PPP2R2C: variants seen among roughly 807,000 people sequenced by gnomAD.
PPP2R2C encodes protein phosphatase 2, regulatory subunit B, gamma.
In PPP2R2C, 10 loss-of-function variants were observed where a neutral mutation model predicts 45.3. That is an observed-to-expected ratio of 0.22 (90% CI 0.14 to 0.37). The LOEUF is 0.37. Ranked by LOEUF, PPP2R2C falls within the 10% of genes least tolerant of loss-of-function variation. PPP2R2C has a pLI of 1.00. For synonymous variants in PPP2R2C, 257 were observed against 245.4 expected (o/e 1.05, Z -0.44); for missense variants, 308 against 619.7 (o/e 0.50, Z 5.34).
chr4:6,485,887 C>G (rs1722512932), intron 2 of PPP2R2C, among the ~76,000 whole-genome samples: 1 of 151,710 alleles, frequency 6.6e-6, no homozygotes, highest in Non-Finnish European at 1.5e-5. Flanking sequence ...TATATTTAGC[C>G]AATTTCTCTT....
intron 2 of PPP2R2C, among the ~76,000 whole-genome samples, chr4:6,511,480 G>GA (rs1723476223): frequency 2.1e-5 from 2 of 96,658 alleles, no homozygotes; most frequent in African/African-American, 8.5e-5. Flanking sequence ...GGTGGTGATG[G>GA]CGGTGTTGGT....
chr4:6,507,156 T>C (rs1177937221), intron 2 of PPP2R2C, among the ~76,000 whole-genome samples: 2 of 152,186 alleles, frequency 1.3e-5, no homozygotes, highest in East Asian at 1.9e-4. Flanking sequence ...ATCTCAGTCA[T>C]GTTAAGTTTG....
chr4:6,499,308 C>T (rs887485150), intron 2 of PPP2R2C, among the ~76,000 whole-genome samples: 2 of 152,184 alleles, frequency 1.3e-5, no homozygotes, highest in Non-Finnish European at 2.9e-5. Flanking sequence ...ATCAGATAGG[C>T]ATGAAGTACA....
chr4:6,517,344 G>A (rs754341927), intron 2 of PPP2R2C, among the ~76,000 whole-genome samples: 1 of 152,162 alleles, frequency 6.6e-6, no homozygotes, highest in African/African-American at 2.4e-5. Context: ...CCAAAACCTG[G>A]CTGGACAACT....
chr4:6,383,837 G>T (rs1716035900), intron 1 of PPP2R2C: 1 of 992,504 alleles, frequency 1.0e-6, no homozygotes, highest in Non-Finnish European at 1.2e-6. Context: ...ATCTATCCAA[G>T]AAATGCCTTT....
At chr4:6,325,948 G>A (rs1028076563) in intron 8 of PPP2R2C, among the ~76,000 whole-genome samples, 2 of 152,344 alleles carry the variant, frequency 1.3e-5, no homozygotes, top group Non-Finnish European at 2.9e-5. Flanking sequence ...GCTGCGGCAG[G>A]AGAAGTGTTT....
chr4:6,417,763 G>A (rs988962217), intron 1 of PPP2R2C, among the ~76,000 whole-genome samples: 1 of 152,222 alleles, frequency 6.6e-6, no homozygotes, highest in Non-Finnish European at 1.5e-5. Context: ...GGGGAACCTC[G>A]GCTGCGTGGG....
chr4:6,458,245 G>C (rs1162728119), intron 1 of PPP2R2C, among the ~76,000 whole-genome samples: 1 of 152,186 alleles, frequency 6.6e-6, no homozygotes, highest in Non-Finnish European at 1.5e-5. Flanking sequence ...ATCACTGGGA[G>C]TGGCTTAGTC....
intron 6 of PPP2R2C, among the ~76,000 whole-genome samples, chr4:6,334,347 T>A (rs1307070654): frequency 6.6e-6 from 1 of 152,168 alleles, no homozygotes; most frequent in Non-Finnish European, 1.5e-5. Flanking sequence ...TCTCCTTTTT[T>A]CTTGGAGCAC....
intron 1 of PPP2R2C, among the ~76,000 whole-genome samples, chr4:6,389,602 T>C (rs1435732407): frequency 6.6e-6 from 1 of 152,140 alleles, no homozygotes; most frequent in East Asian, 1.9e-4. Context: ...GACACTGGGA[T>C]AAGGAGATGG....
chr4:6,402,444 G>T (rs1338557035), intron 1 of PPP2R2C, among the ~76,000 whole-genome samples: 1 of 152,222 alleles, frequency 6.6e-6, no homozygotes, highest in African/African-American at 2.4e-5. Flanking sequence ...AATGGGCATG[G>T]TGCTACCTGC....
Position 6,382,972 on chromosome 4 carries a change from G to C in PPP2R2C, c.71-1878C>G, listed in dbSNP as rs945822109. On this transcript the variant is annotated intron_variant, in intron 1 of 8. Transcript: ENST00000382599. ...GGCAGCCCCCACCTGCCGAGGCCCA[G>C]GTGGGCCGCATCTGGAGCCAAACCT... The C allele has an allele frequency of 7.5e-6, 8 of 1,072,492 alleles. No individual in the cohort carries two copies. The Admixed American group carries it at 1.5e-4, about 20-fold the overall frequency. 66.4% of individuals were successfully genotyped at this position (1,072,492 alleles called of 1,614,324 possible).
chr4:6,359,117 T>C (rs1417140034), intron 5 of PPP2R2C, among the ~76,000 whole-genome samples: 1 of 152,224 alleles, frequency 6.6e-6, no homozygotes, highest in African/African-American at 2.4e-5. Context: ...AATGATAGAC[T>C]GGATTAAGAA....
chr4:6,345,313 G>C lies in PPP2R2C; in HGVS notation c.790+2533C>G, dbSNP rs74529806. Among the ~76,000 whole-genome samples, 6 of 152,138 alleles carry C rather than the reference G, an allele frequency of 3.9e-5. No individual in the cohort carries two copies. The highest frequency in any genetic ancestry group is 1.2e-4 in the African/African-American group (5 of 41,416). On this transcript the variant is annotated intron_variant, in intron 6 of 8. Coordinates refer to ENST00000382599, the MANE Select transcript of PPP2R2C (RefSeq NM_020416.4). This position sits in a 1 kb window ranked among gnomAD's most constrained non-coding sequence, Gnocchi z 5.3. Reference sequence around the variant, plus strand: ...GAGTGAATGGGCGGGAGGCGTAGGTGGGGGGGCAGTGTCCTGTAGTAGGCG... The same window carrying C: ...GAGTGAATGGGCGGGAGGCGTAGGTCGGGGGGCAGTGTCCTGTAGTAGGCG...
At chr4:6,507,205 C>A (rs918723015) in intron 2 of PPP2R2C, among the ~76,000 whole-genome samples, 1 of 152,180 alleles carries the variant, frequency 6.6e-6, no homozygotes, top group Admixed American at 6.5e-5. Context: ...TGTCAAGCTG[C>A]AGCTGGGAAC....
chr4:6,455,133 TC>T (rs1390468861), intron 1 of PPP2R2C, among the ~76,000 whole-genome samples: 1 of 152,176 alleles, frequency 6.6e-6, no homozygotes, highest in African/African-American at 2.4e-5. Flanking sequence ...TACAGATGAC[TC>T]CAGAGCTGCG....
chr4:6,511,178 C>T (rs1460904099), intron 2 of PPP2R2C, among the ~76,000 whole-genome samples: 7 of 152,208 alleles, frequency 4.6e-5, no homozygotes, highest in South Asian at 4.1e-4. Flanking sequence ...GAGAAAAACA[C>T]GCAAAATGCT....
chr4:6,443,252 G>A (rs1720243062), intron 1 of PPP2R2C, among the ~76,000 whole-genome samples: 1 of 152,162 alleles, frequency 6.6e-6, no homozygotes, highest in Non-Finnish European at 1.5e-5. Flanking sequence ...ACATGCTCTG[G>A]CCCCATCAAC....
chr4:6,336,571 A>C (rs1732870622), intron 6 of PPP2R2C, among the ~76,000 whole-genome samples: 2 of 150,872 alleles, frequency 1.3e-5, no homozygotes, highest in Non-Finnish European at 3.0e-5. Flanking sequence ...GGCCGCAGGC[A>C]GCAAAGATGC....
Sources: allele counts gnomAD v4.1 joint callset (sites outside exome capture counted in the v4.1 genomes callset), GRCh38; gene constraint gnomAD v4.1.1; non-coding constraint Gnocchi (gnomAD v3.1); transcripts MANE v1.5; gene names NCBI Gene and HGNC (gene_info 2026-07-23, HGNC 2026-07-21).